The following CSMD2 variants were observed in gnomAD, a reference collection of about 807,000 sequenced individuals.
CSMD2 encodes the protein CUB and Sushi multiple domains 2.
Under a neutral mutation model 398.5 loss-of-function variants are expected in CSMD2, and 130 were observed. The ratio of observed to expected loss-of-function variants is 0.33; its 90% confidence interval spans 0.28 to 0.38. CSMD2 has a LOEUF of 0.38. CSMD2 is among the 10% of genes least tolerant of loss of function. CSMD2 has a pLI of 1.00. For missense variants in CSMD2, 3,829 were observed against 4,764.9 expected (o/e 0.80, Z 5.78); for synonymous variants, 1,828 against 1,908.5 (o/e 0.96, Z 1.10).
intron 44 of CSMD2, among the ~76,000 whole-genome samples, chr1:33,592,970 A>C (rs569854322): frequency 6.6e-6 from 1 of 151,838 alleles, no homozygotes; most frequent in Non-Finnish European, 1.5e-5. Flanking sequence ...AAAAATTATC[A>C]TGACATATGT....
intron 5 of CSMD2, among the ~76,000 whole-genome samples, chr1:33,866,344 C>T (rs566798859): frequency 8.5e-5 from 13 of 152,212 alleles, no homozygotes; most frequent in African/African-American, 3.1e-4. Context: ...AATTGCAGCA[C>T]TGCAAAGCAA....
intron 10 of CSMD2, chr1:33,804,885 G>T (rs1454158775): frequency 2.1e-5 from 15 of 717,204 alleles, no homozygotes; most frequent in Non-Finnish European, 3.6e-5. Flanking sequence ...TATGTTCCCT[G>T]GGTCTCCTCC....
intron 43 of CSMD2, among the ~76,000 whole-genome samples, chr1:33,601,947 C>T (rs879629504): frequency 1.2e-4 from 18 of 152,266 alleles, no homozygotes; most frequent in Admixed American, 1.2e-3. Context: ...CTGGAAAGTG[C>T]TGGCTCAGCA....
At chr1:34,015,925 A>G (rs1648028167) in intron 3 of CSMD2, among the ~76,000 whole-genome samples, 1 of 152,110 alleles carries the variant, frequency 6.6e-6, no homozygotes, top group Admixed American at 6.6e-5. Context: ...ATGGGGCTCA[A>G]GAAAGTATGG....
intron 1 of CSMD2, among the ~76,000 whole-genome samples, chr1:34,132,665 C>T (rs923437048): frequency 3.3e-5 from 5 of 152,164 alleles, no homozygotes; most frequent in Non-Finnish European, 5.9e-5. Flanking sequence ...TTGAGGTCCC[C>T]GAAAGAAGAA....
In CSMD2 at chr1:33,819,794, G is replaced by C; in HGVS notation, c.1243C>G (p.Leu415Val). Reference protein sequence around the residue: ...VQFTCNEGYDLQGSKRITCMK... With the variant: ...VQFTCNEGYDVQGSKRITCMK... Reference sequence around the variant, plus strand: ...CAGGTGATCCGCTTGGACCCTTGCAGGTCATAGCCCTCGTTGCAGGTGAAC... The same window carrying C: ...CAGGTGATCCGCTTGGACCCTTGCACGTCATAGCCCTCGTTGCAGGTGAAC... The change falls in exon 9 of 71, where the codon CTG (leucine) becomes GTG (valine). Residue 415 changes from leucine (L) to valine (V), a missense_variant. Around this residue, in one of 5 missense-constraint regions of CSMD2, gnomAD observed 2,001 missense variants for 2,567.1 expected, o/e 0.78. Transcript: ENST00000373381. 1 of 1,614,098 alleles carries C rather than the reference G, an allele frequency of 6.2e-7. No homozygotes were observed. Among genetic ancestry groups the C allele is most frequent in the Non-Finnish European group, 8.5e-7 (1 of 1,179,982 alleles).
chr1:33,852,746 C>G (rs1053935058), intron 5 of CSMD2, among the ~76,000 whole-genome samples: 2 of 152,224 alleles, frequency 1.3e-5, no homozygotes, highest in African/African-American at 4.8e-5. Context: ...GTGCACAGCA[C>G]AGTGCCTGGC....
At chr1:33,617,671 C>T (rs1451384499) in intron 37 of CSMD2, 54 bp from the exon 38 acceptor site, 64 of 1,397,506 alleles carry the variant, frequency 4.6e-5, no homozygotes, top group Non-Finnish European at 6.2e-5. Context: ...AGCAGGTCAA[C>T]GTGGCGGTAG....
At chr1:33,939,175 T>G (rs1326069731) in intron 3 of CSMD2, among the ~76,000 whole-genome samples, 1 of 152,176 alleles carries the variant, frequency 6.6e-6, no homozygotes, top group Non-Finnish European at 1.5e-5. Context: ...CTGGCTTACT[T>G]GGTACTTCCC....
intron 4 of CSMD2, among the ~76,000 whole-genome samples, chr1:33,921,381 CA>C (rs111611180): frequency 0.072 from 10,929 of 152,198 alleles, 1,253 homozygotes; most frequent in African/African-American, 0.25. Context: ...TCACCATGAA[CA>C]TTACCAGGGA....
intron 2 of CSMD2, among the ~76,000 whole-genome samples, chr1:34,057,198 C>T (rs983887729): frequency 1.3e-5 from 2 of 152,096 alleles, no homozygotes; most frequent in African/African-American, 4.8e-5. Context: ...CCCTTGAGCA[C>T]CACAGCCTCT....
intron 53 of CSMD2, among the ~76,000 whole-genome samples, chr1:33,562,024 A>G (rs1224369644): frequency 6.6e-6 from 1 of 152,138 alleles, no homozygotes; most frequent in Non-Finnish European, 1.5e-5. Flanking sequence ...AAAAAGAAAA[A>G]ACCTATAGGA....
Position 33,622,200 on chromosome 1 carries a change from C to T in CSMD2, c.5794G>A (p.Val1932Ile), listed in dbSNP as rs781734781. Residue 1932 changes from valine to isoleucine, a missense_variant, in exon 37 of 71, where the codon GTA becomes ATA. By Grantham distance (29) the Val-to-Ile change is conservative. Coordinates refer to ENST00000373381, the MANE Select transcript of CSMD2 (RefSeq NM_001281956.2). ...LYLHFYSDISVSAAGFHLEYK... is the reference protein window; with the variant it reads ...LYLHFYSDISISAAGFHLEYK... ...TCCAAGTGGAAGCCAGCTGCAGATA[C>T]GCTGATATCTGAGTAGAAATGAAGG... The T allele has an allele frequency of 1.9e-5, 30 of 1,613,730 alleles. No homozygotes were observed. Among genetic ancestry groups the T allele is most frequent in the African/African-American group, 1.1e-4 (8 of 74,890 alleles).
chr1:33,945,659 T>A (rs186723024), intron 3 of CSMD2, among the ~76,000 whole-genome samples: 290 of 152,260 alleles, frequency 1.9e-3, no homozygotes, highest in African/African-American at 6.5e-3. Flanking sequence ...GTTCAGTTTT[T>A]CCAAACCAGT....
chr1:33,788,369 A>G (rs1653799533), intron 12 of CSMD2, among the ~76,000 whole-genome samples: 2 of 151,984 alleles, frequency 1.3e-5, no homozygotes, highest in Non-Finnish European at 2.9e-5. Flanking sequence ...TTAGCCAGGC[A>G]TGTTGGTGTG....
At chr1:33,832,852 A>G (rs1417921291) in intron 6 of CSMD2, among the ~76,000 whole-genome samples, 3 of 152,326 alleles carry the variant, frequency 2.0e-5, no homozygotes, top group Middle Eastern at 3.4e-3. Flanking sequence ...ACAAACTACC[A>G]TCAGAGAATA....
At chr1:33,861,903 A>T (rs1204843705) in intron 5 of CSMD2, among the ~76,000 whole-genome samples, 1 of 151,430 alleles carries the variant, frequency 6.6e-6, no homozygotes, top group Non-Finnish European at 1.5e-5. Context: ...GTGGGGATCC[A>T]GGAGAATAAA....
In CSMD2 at chr1:33,559,850, G is replaced by A. The variant is rs1658383086; in HGVS notation, c.8381-377C>T. ...GATGGCCAACTGTCAGCTGGTTTAGGCCCATCCTCATTCCTGAGCCAACCT... is the reference window on the plus strand; with the variant it reads ...GATGGCCAACTGTCAGCTGGTTTAGACCCATCCTCATTCCTGAGCCAACCT... On this transcript the variant is annotated intron_variant, in intron 53 of 70. Transcript: ENST00000373381. The surrounding 1 kb of genome is among the most constrained non-coding windows in gnomAD (Gnocchi z 4.0). 6.6e-6 allele frequency among the ~76,000 whole-genome samples: 1 copy of A among 152,048 alleles called. No homozygotes were observed. Among genetic ancestry groups the A allele is most frequent in the African/African-American group, 2.4e-5 (1 of 41,376 alleles).
chr1:33,844,198 A>G (rs1661135802), intron 6 of CSMD2, among the ~76,000 whole-genome samples: 1 of 152,110 alleles, frequency 6.6e-6, no homozygotes, highest in Non-Finnish European at 1.5e-5. Context: ...ATTCCTTCAG[A>G]GTAGTAGTTG....
Sources: allele counts gnomAD v4.1 joint callset (sites outside exome capture counted in the v4.1 genomes callset), GRCh38; gene constraint gnomAD v4.1.1; regional missense constraint gnomAD v4.1.1; non-coding constraint Gnocchi (gnomAD v3.1); transcripts MANE v1.5; gene names NCBI Gene and HGNC (gene_info 2026-07-23, HGNC 2026-07-21).